Variants in IQCK observed in about 807,000 individuals in gnomAD.
IQCK encodes IQ motif containing K.
In IQCK, 29 loss-of-function variants were observed where a neutral mutation model predicts 28.1. The ratio of observed to expected loss-of-function variants is 1.03; its 90% CI spans 0.77 to 1.41. The LOEUF is 1.41. IQCK is among the 40% of genes most tolerant of loss of function. The pLI is 0.00. For missense variants in IQCK, 359 were observed against 314.7 expected, an observed-to-expected ratio of 1.14 and a Z score of -1.07; for synonymous variants, 113 against 115.1, an observed-to-expected ratio of 0.98 and a Z score of 0.12.
Position 19,790,558 on chromosome 16 carries a change from T to G in IQCK, c.690+1636T>G, listed in dbSNP as rs769399935. 5.2e-4 allele frequency among the ~76,000 whole-genome samples: 60 copies of G among 116,156 alleles called. 13 individuals carry two copies. In the Middle Eastern group the frequency reaches 0.015, roughly 30 times the overall value. The allele number at this position is 116,156 out of a possible 152,430, so 76.2% of individuals were successfully genotyped here. On this transcript the variant is annotated intron_variant, in intron 7 of 7. Coordinates refer to ENST00000564186, the Ensembl canonical transcript of IQCK. ...CAGCTGATGTAGGAAAAAGAGACTC[T>G]GAAAAACACACCAGCAAAAAGCTAT... is the stretch of plus-strand genomic sequence containing the variant.
intron 9 of IQCK, among the ~76,000 whole-genome samples, chr16:19,845,194 C>T (rs1387956070): frequency 2.0e-5 from 3 of 152,172 alleles, no homozygotes; most frequent in Non-Finnish European, 4.4e-5. Flanking sequence ...AATCTTGTCT[C>T]GCAATCCCTA....
chr16:19,757,415 G>A (rs2151704034), intron 4 of IQCK, among the ~76,000 whole-genome samples: 1 of 152,332 alleles, frequency 6.6e-6, no homozygotes, highest in South Asian at 2.1e-4. Context: ...GCTCATGCCT[G>A]TAATCCCAGC....
rs1380973936 is a variant in IQCK, at chr16:19,768,230, G to T, written c.605+4118G>T. Among the ~76,000 whole-genome samples, 3 of 152,160 alleles carry T rather than the reference G, an allele frequency of 2.0e-5. No individual in the cohort carries two copies. The East Asian group carries it at 5.8e-4, about 29-fold the overall frequency. On this transcript the variant is annotated intron_variant, in intron 6 of 7. Transcript: ENST00000564186. ...ACTAAAGCTGGGAGCCCACAGCTGG[G>T]AAGTTGACCATGAAGTGAGATGGGT... is the stretch of plus-strand genomic sequence containing the variant.
intron 1 of IQCK, among the ~76,000 whole-genome samples, chr16:19,728,001 T>C (rs1977714171): frequency 6.6e-6 from 1 of 152,016 alleles, no homozygotes; most frequent in Non-Finnish European, 1.5e-5. Context: ...CAGGTATGTT[T>C]AAAGCTTTTA....
intron 1 of IQCK, among the ~76,000 whole-genome samples, chr16:19,721,726 C>T (rs2151671088): frequency 6.6e-6 from 1 of 152,110 alleles, no homozygotes; most frequent in Non-Finnish European, 1.5e-5. Context: ...GCTGGGATTA[C>T]AGGCACCCAC....
At chr16:19,760,266 TAAAC>T (rs949177259) in intron 4 of IQCK, among the ~76,000 whole-genome samples, 11 of 152,320 alleles carry the variant, frequency 7.2e-5, no homozygotes, top group South Asian at 6.2e-4. Flanking sequence ...TTTCAAATAA[TAAAC>T]AACCTAATGC....
chr16:19,801,111 CATCTT>C (rs2055753686), intron 7 of IQCK, among the ~76,000 whole-genome samples: 1 of 142,732 alleles, frequency 7.0e-6, no homozygotes, highest in African/African-American at 3.0e-5. Flanking sequence ...ATTCCAAAAT[CATCTT>C]GTTTTGTATT....
intron 4 of IQCK, among the ~76,000 whole-genome samples, chr16:19,743,723 G>GC (rs2054868484): frequency 6.6e-6 from 1 of 152,198 alleles, no homozygotes; most frequent in South Asian, 2.1e-4. Flanking sequence ...TTTGACCACT[G>GC]CTCCACTCTG....
At chr16:19,759,741 G>A (rs192815156) in intron 4 of IQCK, among the ~76,000 whole-genome samples, 2 of 152,168 alleles carry the variant, frequency 1.3e-5, no homozygotes, top group South Asian at 4.1e-4. Flanking sequence ...ACTTTGGAAG[G>A]CCGAGACGGG....
rs532062518 is a variant in IQCK, at chr16:19,783,416, G to A, written c.606-5422G>A. Among the ~76,000 whole-genome samples, 9 of 152,214 alleles carry A rather than the reference G, an allele frequency of 5.9e-5. No homozygotes were observed. In the South Asian group the frequency reaches 8.3e-4, roughly 14 times the overall value. ...TGGAAACATACCCAGCAGTGCTATC[G>A]TGCCCGTCTGAACATGCAAAAACGT... On this transcript the variant is annotated intron_variant, in intron 6 of 7. Transcript: ENST00000564186.
At chr16:19,734,237 C>T (rs1977933099) in intron 3 of IQCK, among the ~76,000 whole-genome samples, 1 of 152,046 alleles carries the variant, frequency 6.6e-6, no homozygotes, top group African/African-American at 2.4e-5. Flanking sequence ...TGGCTCATGC[C>T]TATAATCCCA....
chr16:19,744,955 A>G (rs573896392), intron 4 of IQCK, among the ~76,000 whole-genome samples: 24 of 152,362 alleles, frequency 1.6e-4, no homozygotes, highest in African/African-American at 5.8e-4. Flanking sequence ...CAACAAGCCA[A>G]AGGTAACAGA....
intron 6 of IQCK, among the ~76,000 whole-genome samples, chr16:19,782,735 G>GT (rs1304811123): frequency 6.6e-6 from 1 of 152,144 alleles, no homozygotes; most frequent in Non-Finnish European, 1.5e-5. Flanking sequence ...GATTAAATGT[G>GT]TTTTTTGATG....
intron 1 of IQCK, among the ~76,000 whole-genome samples, chr16:19,719,760 C>T (rs1376545584): frequency 1.3e-5 from 2 of 149,736 alleles, no homozygotes; most frequent in Non-Finnish European, 3.0e-5. Flanking sequence ...CTGCAACCTC[C>T]GCCTCCCGGG....
chr16:19,730,123 T>G (rs970035674), intron 1 of IQCK, among the ~76,000 whole-genome samples: 3 of 151,968 alleles, frequency 2.0e-5, no homozygotes, highest in African/African-American at 7.2e-5. Flanking sequence ...GCCCAGCTAA[T>G]TTTTGTATTT....
intron 6 of IQCK, among the ~76,000 whole-genome samples, chr16:19,778,278 G>A (rs2055423889): frequency 6.6e-6 from 1 of 152,212 alleles, no homozygotes; most frequent in Non-Finnish European, 1.5e-5. Flanking sequence ...ACTGGCATCT[G>A]TAGTGGAGAG....
intron 4 of IQCK, among the ~76,000 whole-genome samples, chr16:19,740,110 A>G (rs1405318288): frequency 6.6e-6 from 1 of 152,212 alleles, no homozygotes; most frequent in Non-Finnish European, 1.5e-5. Context: ...AATAGCTCCC[A>G]GAGATACTGA....
At chr16:19,727,834 GA>G (rs1446286245) in intron 1 of IQCK, among the ~76,000 whole-genome samples, 9 of 152,056 alleles carry the variant, frequency 5.9e-5, no homozygotes, top group Admixed American at 3.9e-4. Flanking sequence ...GAAGAAGGGT[GA>G]ATTTACATGC....
chr16:19,803,509 T>C (rs1284411866), intron 7 of IQCK, among the ~76,000 whole-genome samples: 9 of 152,194 alleles, frequency 5.9e-5, no homozygotes, highest in South Asian at 2.1e-4. Flanking sequence ...GACCCACTGA[T>C]GTATTGGAAT....
Sources: allele counts gnomAD v4.1 joint callset (sites outside exome capture counted in the v4.1 genomes callset), GRCh38; gene constraint gnomAD v4.1.1; transcripts MANE v1.5; gene names NCBI Gene and HGNC (gene_info 2026-07-23, HGNC 2026-07-21).